AGFG2: variants seen among roughly 807,000 people sequenced by gnomAD.
AGFG2 encodes the protein ArfGAP with FG repeats 2.
A neutral mutation model predicts 48.0 loss-of-function variants in AGFG2; 31 were observed. That is an observed-to-expected ratio of 0.65 (90% CI 0.49 to 0.87). The LOEUF (loss-of-function observed/expected upper bound fraction) is 0.87. AGFG2 is among the 40% of genes least tolerant of loss of function. The probability of loss-of-function intolerance (pLI) is 0.00; values close to 1 mark genes in which losing one functional copy is unlikely to be tolerated. For synonymous variants in AGFG2, 229 were observed against 260.8 expected (o/e 0.88, Z 1.18); for missense variants, 599 against 632.6 (o/e 0.95, Z 0.57).
chr7:100,548,669 G>A (rs976968293), intron 1 of AGFG2, among the ~76,000 whole-genome samples, 153 bp from the exon 2 acceptor site: 3 of 151,934 alleles, frequency 2.0e-5, no homozygotes, highest in African/African-American at 7.3e-5. Context: ...CTTCTTTCCT[G>A]GAATTAGGAA....
At chr7:100,548,711 T>G (rs1800560780) in intron 1 of AGFG2, 111 bp from the exon 2 acceptor site, 2 of 736,010 alleles carry the variant, frequency 2.7e-6, no homozygotes, top group South Asian at 1.6e-5. Context: ...CTATCTGAGC[T>G]TAGTTTATAT....
In AGFG2 at chr7:100,562,980, T is replaced by C. The variant is rs1800912767; in HGVS notation, c.1171+34T>C. 1 of 1,574,502 alleles carries C rather than the reference T, an allele frequency of 6.4e-7. No individual in the cohort carries two copies. Among genetic ancestry groups the C allele is most frequent in the Non-Finnish European group, 8.7e-7 (1 of 1,147,174 alleles). On this transcript the variant is annotated intron_variant, in intron 9 of 11. Transcript: ENST00000300176. The surrounding 1 kb of genome is among the most constrained non-coding windows in gnomAD (Gnocchi z 5.4). ...CCAGCATGGTCCCTTGTCCTGACCA[T>C]CTGAGACTTCCAAGGCACACATTAC...
chr7:100,553,873 A>G (rs1800700971), intron 4 of AGFG2, among the ~76,000 whole-genome samples: 1 of 152,172 alleles, frequency 6.6e-6, no homozygotes, highest in Admixed American at 6.6e-5. Flanking sequence ...CATGTGCTGT[A>G]AAATGTGTGG....
intron 1 of AGFG2, among the ~76,000 whole-genome samples, chr7:100,547,678 AG>A (rs1249540060): frequency 6.6e-6 from 1 of 152,130 alleles, no homozygotes; most frequent in Non-Finnish European, 1.5e-5. Context: ...TAATCTCCAC[AG>A]GGTTCCTGGA....
intron 3 of AGFG2, 32 bp from the exon 4 acceptor site, chr7:100,553,315 T>G (rs1386702121): frequency 6.2e-7 from 1 of 1,613,652 alleles, no homozygotes; most frequent in Non-Finnish European, 8.5e-7. Flanking sequence ...GTTTTATCCC[T>G]CTCTTTACAG....
chr7:100,556,457 T>C, intron 6 of AGFG2: 1 of 604,082 alleles, frequency 1.7e-6, no homozygotes, highest in Non-Finnish European at 2.4e-6. Context: ...CCTTCTGCCA[T>C]TGGACATCCT....
chr7:100,559,864 G>A (rs892225575), intron 6 of AGFG2, among the ~76,000 whole-genome samples: 1 of 151,888 alleles, frequency 6.6e-6, no homozygotes, highest in African/African-American at 2.4e-5. Context: ...AAACAGGAGT[G>A]CAGGTGTTTC....
In AGFG2 at chr7:100,562,540, C is replaced by G; in HGVS notation, c.999-54C>G. The G allele has an allele frequency of 1.9e-6, 3 of 1,612,302 alleles. No homozygotes were observed. The highest frequency in any genetic ancestry group is 1.7e-6 in the Non-Finnish European group (2 of 1,179,212). On this transcript the variant is annotated intron_variant, in intron 7 of 11. Coordinates refer to ENST00000300176, the MANE Select transcript of AGFG2 (RefSeq NM_006076.5). The surrounding 1 kb of genome is among the most constrained non-coding windows in gnomAD (Gnocchi z 5.4). ...GGTTGGCATCTCCTGGCCCCTTGCTCAGGTTTGATTGGCCCTGGCAGCTGT... is the reference window on the plus strand; with the variant it reads ...GGTTGGCATCTCCTGGCCCCTTGCTGAGGTTTGATTGGCCCTGGCAGCTGT...
At chr7:100,548,972 C>A in intron 2 of AGFG2, 57 bp downstream of exon 2, 2 of 1,429,692 alleles carry the variant, frequency 1.4e-6, no homozygotes, top group African/African-American at 1.4e-5. Context: ...TGGGGCTTTG[C>A]CTCAAGATTG....
chr7:100,544,105 G>C (rs1476927391), intron 1 of AGFG2, among the ~76,000 whole-genome samples: 1 of 152,188 alleles, frequency 6.6e-6, no homozygotes, highest in Admixed American at 6.6e-5. Context: ...ATGAACCACT[G>C]TTCCTCAGAA....
chr7:100,541,712 G>A (rs1256472980), intron 1 of AGFG2, among the ~76,000 whole-genome samples: 4 of 149,666 alleles, frequency 2.7e-5, no homozygotes, highest in Non-Finnish European at 5.9e-5. Context: ...GCAATGAGCC[G>A]AGATCGCACC....
intron 2 of AGFG2, among the ~76,000 whole-genome samples, chr7:100,549,199 G>T (rs1480364090): frequency 1.3e-5 from 2 of 152,196 alleles, no homozygotes; most frequent in Non-Finnish European, 1.5e-5. Flanking sequence ...TCCAGAGCGT[G>T]AGCATTCAGA....
chr7:100,543,518 A>T (rs879487999), intron 1 of AGFG2, among the ~76,000 whole-genome samples: 1 of 152,174 alleles, frequency 6.6e-6, no homozygotes, highest in African/African-American at 2.4e-5. Context: ...TGTCTCCTTC[A>T]TAAGGGGATA....
intron 1 of AGFG2, among the ~76,000 whole-genome samples, 163 bp downstream of exon 1, chr7:100,539,730 T>G (rs1584377166): frequency 4.4e-5 from 6 of 136,660 alleles, no homozygotes; most frequent in South Asian, 2.4e-4. Context: ...GCTGCAGCGG[T>G]GTGGTGGGGA....
At chr7:100,540,346 A>C (rs1268449269) in intron 1 of AGFG2, among the ~76,000 whole-genome samples, 2 of 152,166 alleles carry the variant, frequency 1.3e-5, no homozygotes, top group Non-Finnish European at 2.9e-5. Context: ...GCCATCCTGA[A>C]GGTTAATCAT....
intron 1 of AGFG2, among the ~76,000 whole-genome samples, chr7:100,546,482 C>T (rs969928718): frequency 2.0e-4 from 31 of 152,192 alleles, no homozygotes; most frequent in African/African-American, 7.0e-4. Flanking sequence ...CCATCAGTGC[C>T]TGACTGAATA....
chr7:100,548,296 TC>T (rs1479280195), intron 1 of AGFG2, among the ~76,000 whole-genome samples: 1 of 151,786 alleles, frequency 6.6e-6, no homozygotes, highest in Non-Finnish European at 1.5e-5. Flanking sequence ...CTTTGGAGAT[TC>T]TTTTTTTTGG....
rs1482086034 is a variant in AGFG2 at position 100,551,059 on chromosome 7, TATA to T, written c.431+549_431+551del. Among the ~76,000 whole-genome samples, 76 of 113,398 alleles carry T rather than the reference TATA, an allele frequency of 6.7e-4. 3 individuals carry two copies. The highest frequency in any genetic ancestry group is 2.8e-3 in the African/African-American group (75 of 26,556). The allele number at this position is 113,398 out of a possible 152,430, so 74.4% of individuals were successfully genotyped here. A position where few individuals can be genotyped will look rare whatever the true frequency, so the allele number is the denominator to read the frequency against. Reference sequence around the variant, plus strand: ...ATATATATATATATATATATATATATATATATATTTCTTTTTTTTTTTTTTTTT... The same window carrying T: ...ATATATATATATATATATATATATATTATATTTCTTTTTTTTTTTTTTTTT... On this transcript the variant is annotated intron_variant, in intron 3 of 11. Coordinates refer to ENST00000300176, the MANE Select transcript of AGFG2 (RefSeq NM_006076.5).
intron 3 of AGFG2, among the ~76,000 whole-genome samples, chr7:100,551,066 A>ATAT (rs1562791920): frequency 7.2e-5 from 5 of 69,708 alleles, no homozygotes; most frequent in South Asian, 4.3e-4. Flanking sequence ...ATATATATAT[A>ATAT]TTTCTTTTTT....
Sources: allele counts gnomAD v4.1 joint callset (sites outside exome capture counted in the v4.1 genomes callset), GRCh38; gene constraint gnomAD v4.1.1; non-coding constraint Gnocchi (gnomAD v3.1); transcripts MANE v1.5; gene names NCBI Gene and HGNC (gene_info 2026-07-23, HGNC 2026-07-21).